FRMD4A: variants seen among roughly 807,000 people sequenced by gnomAD.
The protein encoded by FRMD4A is FERM domain-containing protein 4A.
Under a neutral mutation model 129.1 loss-of-function variants are expected in FRMD4A, and 29 were observed. The ratio of observed to expected loss-of-function variants is 0.22; its 90% CI spans 0.17 to 0.31. The LOEUF (loss-of-function observed/expected upper bound fraction) is 0.31. Ranked by LOEUF, FRMD4A falls within the 10% of genes least tolerant of loss-of-function variation. The probability of loss-of-function intolerance (pLI) is 1.00; values close to 1 mark genes in which losing one functional copy is unlikely to be tolerated. For synonymous variants in FRMD4A, 634 were observed against 571.6 expected, an observed-to-expected ratio of 1.11 and a Z score of -1.56; for missense variants, 1,272 against 1,375.8, an observed-to-expected ratio of 0.92 and a Z score of 1.19.
chr10:14,142,348 C>T (rs994511790), intron 2 of FRMD4A, among the ~76,000 whole-genome samples: 5 of 152,106 alleles, frequency 3.3e-5, no homozygotes, highest in South Asian at 2.1e-4. Flanking sequence ...GGGAAACTGT[C>T]AGGCAATTTA....
At chr10:13,675,759 G>A (rs975008401) in intron 15 of FRMD4A, 1 of 152,024 alleles carries the variant, frequency 6.6e-6, no homozygotes, top group African/African-American at 2.4e-5. Flanking sequence ...TTTTTGCTTA[G>A]TGCAAAGATA....
chr10:14,064,425 T>A (rs565481967), intron 2 of FRMD4A, among the ~76,000 whole-genome samples: 1 of 152,288 alleles, frequency 6.6e-6, no homozygotes, highest in Admixed American at 6.5e-5. Flanking sequence ...CCACTCCACA[T>A]TGCCGTGGCC....
At chr10:14,026,889 G>A (rs1382140209) in intron 2 of FRMD4A, among the ~76,000 whole-genome samples, 1 of 152,210 alleles carries the variant, frequency 6.6e-6, no homozygotes, top group East Asian at 1.9e-4. Context: ...GTGCAACATT[G>A]TTCTAGTTTT....
At chr10:13,713,995 T>TATACATATATAAAATACATATATAAA (rs768387822) in intron 12 of FRMD4A, among the ~76,000 whole-genome samples, 1 of 71,298 alleles carries the variant, frequency 1.4e-5, no homozygotes, top group African/African-American at 5.1e-5. Flanking sequence ...ACATATATAA[T>TATACATATATAAAATACATATATAAA]ATACATATAT....
intron 12 of FRMD4A, among the ~76,000 whole-genome samples, chr10:13,709,209 C>T (rs553386226): frequency 6.6e-6 from 1 of 152,310 alleles, no homozygotes; most frequent in South Asian, 2.1e-4. Context: ...AGTGATCTGC[C>T]CGCCTCGGCC....
chr10:13,910,530 T>TGTTACTTAGCGATGGTTA (rs2094929776), intron 2 of FRMD4A, among the ~76,000 whole-genome samples: 1 of 152,266 alleles, frequency 6.6e-6, no homozygotes, highest in Admixed American at 6.5e-5. Flanking sequence ...TGCGATGGTT[T>TGTTACTTAGCGATGGTTA]GTTACTTAGC....
intron 2 of FRMD4A, among the ~76,000 whole-genome samples, chr10:14,009,681 G>T (rs577135989): frequency 6.6e-6 from 1 of 152,350 alleles, no homozygotes; most frequent in Non-Finnish European, 1.5e-5. Flanking sequence ...GCCCTCCAGC[G>T]CAGACACACA....
At chr10:13,650,152 G>T (rs1404229147) in intron 24 of FRMD4A, among the ~76,000 whole-genome samples, 1 of 152,226 alleles carries the variant, frequency 6.6e-6, no homozygotes, top group Non-Finnish European at 1.5e-5. Context: ...GGGTTTTGTG[G>T]TTTATAACTG....
intron 15 of FRMD4A, chr10:13,685,326 C>G: frequency 1.0e-6 from 1 of 985,008 alleles, no homozygotes; most frequent in Non-Finnish European, 1.2e-6. Context: ...CTCACTGGCA[C>G]TCGGTGAAGA....
intron 15 of FRMD4A, among the ~76,000 whole-genome samples, chr10:13,682,505 T>C (rs1487977691): frequency 6.9e-5 from 10 of 145,438 alleles, no homozygotes; most frequent in African/African-American, 2.3e-4. Context: ...TTCTTTTTTT[T>C]TTTTTTTTTT....
intron 2 of FRMD4A, among the ~76,000 whole-genome samples, chr10:14,250,424 T>A (rs892995165): frequency 6.6e-6 from 1 of 152,210 alleles, no homozygotes; most frequent in Non-Finnish European, 1.5e-5. Flanking sequence ...CCTCCTCTAC[T>A]TTTTACAAAG....
At chr10:13,977,067 A>G (rs2095544440) in intron 2 of FRMD4A, among the ~76,000 whole-genome samples, 1 of 152,240 alleles carries the variant, frequency 6.6e-6, no homozygotes, top group Non-Finnish European at 1.5e-5. Context: ...AAGAAGATCA[A>G]TAGCCGATTT....
intron 2 of FRMD4A, among the ~76,000 whole-genome samples, chr10:14,255,751 A>G (rs1392887361): frequency 6.6e-6 from 1 of 152,154 alleles, no homozygotes; most frequent in African/African-American, 2.4e-5. Context: ...CATGTCTGTA[A>G]TCCCAGCACA....
At chr10:14,221,718 C>G (rs1466189287) in intron 2 of FRMD4A, among the ~76,000 whole-genome samples, 1 of 19,114 alleles carries the variant, frequency 5.2e-5, no homozygotes, top group Non-Finnish European at 1.2e-4. Context: ...CAGTACCACG[C>G]CGGGTAATTT....
At chr10:14,168,552 G>A (rs1026910092) in intron 2 of FRMD4A, among the ~76,000 whole-genome samples, 8 of 152,308 alleles carry the variant, frequency 5.3e-5, no homozygotes, top group African/African-American at 1.9e-4. Flanking sequence ...AATCTTGCAA[G>A]CATCACCCAG....
chr10:14,008,074 G>A (rs749095580), intron 2 of FRMD4A: 2 of 1,303,416 alleles, frequency 1.5e-6, no homozygotes, highest in South Asian at 1.2e-5. Context: ...TCAACGCTGC[G>A]CCTTCTCAGA....
chr10:13,670,338 G>A (rs141581939), intron 17 of FRMD4A, 68 bp downstream of exon 17: 2 of 1,531,218 alleles, frequency 1.3e-6, no homozygotes, highest in Non-Finnish European at 1.8e-6. Context: ...AGAAAACCTG[G>A]AAGGCCTGAC....
intron 2 of FRMD4A, among the ~76,000 whole-genome samples, chr10:14,101,819 G>A (rs1400239283): frequency 6.6e-6 from 1 of 151,924 alleles, no homozygotes; most frequent in Non-Finnish European, 1.5e-5. Context: ...ACTCTTCACA[G>A]AGCAAAGCAC....
At chr10:14,267,709 TAA>T (rs554578217) in intron 2 of FRMD4A, among the ~76,000 whole-genome samples, 16 of 152,332 alleles carry the variant, frequency 1.1e-4, no homozygotes, top group African/African-American at 3.6e-4. Context: ...TAAATAAATA[TAA>T]AGAGATGAGC....
Sources: gnomAD v4.1 joint callset for allele counts (sites outside exome capture counted in the v4.1 genomes callset) on GRCh38, gnomAD v4.1.1 for gene constraint, MANE v1.5 for transcripts, NCBI Gene and HGNC (gene_info 2026-07-23, HGNC 2026-07-21) for gene names.